The following RAB11B variants were observed in gnomAD, a reference collection of about 807,000 sequenced individuals.
The protein encoded by RAB11B is ras-related protein Rab-11B.
RAB11B carries 7 observed loss-of-function variants against 23.7 expected under a neutral mutation model. That is an observed-to-expected ratio of 0.29 (90% confidence interval 0.17 to 0.55). The LOEUF (loss-of-function observed/expected upper bound fraction) is 0.55, where lower values mean the gene tolerates loss of function less well. Ranked by LOEUF, RAB11B falls within the 20% of genes least tolerant of loss-of-function variation. The pLI is 0.93. For missense variants in RAB11B, 189 were observed against 320.0 expected, an observed-to-expected ratio of 0.59 and a Z score of 3.12; for synonymous variants, 138 against 132.0, an observed-to-expected ratio of 1.05 and a Z score of -0.31.
chr19:8,398,606 C>T (rs1166362717), intron 1 of RAB11B, among the ~76,000 whole-genome samples: 1 of 152,200 alleles, frequency 6.6e-6, no homozygotes, highest in Non-Finnish European at 1.5e-5. Flanking sequence ...GTTTCCCACT[C>T]AGCCATCTGT....
intron 1 of RAB11B, among the ~76,000 whole-genome samples, chr19:8,391,341 C>G (rs1474336054): frequency 1.3e-5 from 2 of 152,290 alleles, no homozygotes; most frequent in South Asian, 2.1e-4. Flanking sequence ...TGGCCAGCAT[C>G]TGGGACTTTG....
At chr19:8,393,612 AATGGGGGTCCCTCC>A (rs1347354894) in intron 1 of RAB11B, among the ~76,000 whole-genome samples, 6 of 152,098 alleles carry the variant, frequency 3.9e-5, no homozygotes, top group Admixed American at 6.5e-5. Context: ...CCCCATTTAG[AATGGGGGTCCCTCC>A]AGTGCCCTGG....
At chr19:8,390,933 G>A (rs1234603655) in intron 1 of RAB11B, among the ~76,000 whole-genome samples, 1 of 149,702 alleles carries the variant, frequency 6.7e-6, no homozygotes, top group Non-Finnish European at 1.5e-5. Context: ...TTGGGGCAGC[G>A]TGTTTGGGGG....
chr19:8,402,366 C>T (rs1013015992), intron 3 of RAB11B, 87 bp downstream of exon 3: 2 of 1,529,632 alleles, frequency 1.3e-6, no homozygotes, highest in Admixed American at 2.0e-5. Context: ...ACAGCCCTGG[C>T]TTCCCTTCCC....
At chr19:8,393,632 C>T (rs1411535738) in intron 1 of RAB11B, among the ~76,000 whole-genome samples, 2 of 152,208 alleles carry the variant, frequency 1.3e-5, no homozygotes, top group Non-Finnish European at 2.9e-5. Context: ...CCTCCAGTGC[C>T]CTGGCTCTGT....
chr19:8,391,854 C>T (rs116483979), intron 1 of RAB11B, among the ~76,000 whole-genome samples: 5,325 of 151,726 alleles, frequency 0.035, 145 homozygotes, highest in South Asian at 0.1. Flanking sequence ...GAAAGCCTTC[C>T]GGGGGGAGGG....
At chr19:8,401,247 A>G (rs1380234736) in intron 2 of RAB11B, among the ~76,000 whole-genome samples, 8 of 144,308 alleles carry the variant, frequency 5.5e-5, no homozygotes, top group Non-Finnish European at 1.2e-4. Flanking sequence ...CGCCTGGCTA[A>G]TTTTTTGTAT....
At chr19:8,392,416 T>G (rs1971362285) in intron 1 of RAB11B, among the ~76,000 whole-genome samples, 1 of 151,962 alleles carries the variant, frequency 6.6e-6, no homozygotes, top group East Asian at 1.9e-4. Flanking sequence ...GAAACACTGA[T>G]TTAGCTTCTG....
intron 1 of RAB11B, among the ~76,000 whole-genome samples, chr19:8,397,418 G>A (rs1971405268): frequency 6.6e-6 from 1 of 152,060 alleles, no homozygotes; most frequent in Non-Finnish European, 1.5e-5. Context: ...GTGACTGTGA[G>A]GAGAGGAGTC....
At chr19:8,397,840 G>C (rs1971408447) in intron 1 of RAB11B, among the ~76,000 whole-genome samples, 1 of 152,054 alleles carries the variant, frequency 6.6e-6, no homozygotes, top group East Asian at 1.9e-4. Flanking sequence ...AGGAGGAACA[G>C]CCATACCCAT....
Position 8,401,997 on chromosome 19 carries a change from C to T in RAB11B, c.237-89C>T, listed in dbSNP as rs1971441293. Reference sequence around the variant, plus strand: ...CCTTGGCTCGGCCCTGGACGACCCACCCTGGGCGTGATGTGTGCTGTTATC... The same window carrying T: ...CCTTGGCTCGGCCCTGGACGACCCATCCTGGGCGTGATGTGTGCTGTTATC... On this transcript the variant is annotated intron_variant, in intron 2 of 4. Transcript: ENST00000328024. The T allele has an allele frequency of 2.9e-6, 4 of 1,384,252 alleles. No individual in the cohort carries two copies. The East Asian group carries it at 1.0e-4, about 35-fold the overall frequency. 85.7% of individuals were successfully genotyped at this position (1,384,252 alleles called of 1,614,324 possible). A position where few individuals can be genotyped will look rare whatever the true frequency, so the allele number is the denominator to read the frequency against.
Position 8,396,256 on chromosome 19 carries a change from A to C in RAB11B, c.41-3607A>C, listed in dbSNP as rs992220045. ...CCTCACCTGTGGCCCAAGGGTGGTG[A>C]CCTGGCATCCTCTAGGTATGGGGCA... On this transcript the variant is annotated intron_variant, in intron 1 of 4. Coordinates refer to ENST00000328024, the MANE Select transcript of RAB11B (RefSeq NM_004218.4). This position sits in a 1 kb window ranked among gnomAD's most constrained non-coding sequence, Gnocchi z 5.0. Among the ~76,000 whole-genome samples, 1 of 152,140 alleles carries C rather than the reference A, an allele frequency of 6.6e-6. No homozygotes were observed. The highest frequency in any genetic ancestry group is 1.5e-5 in the Non-Finnish European group (1 of 68,026).
chr19:8,397,502 G>A (rs1031414676), intron 1 of RAB11B, among the ~76,000 whole-genome samples: 8 of 152,060 alleles, frequency 5.3e-5, no homozygotes, highest in African/African-American at 1.9e-4. Flanking sequence ...CCGGGGGAGT[G>A]GGGGTAGCTG....
At chr19:8,402,931 G>A in intron 4 of RAB11B, 1 of 439,756 alleles carries the variant, frequency 2.3e-6, no homozygotes, top group East Asian at 4.5e-5. Flanking sequence ...CCAAAGTGCT[G>A]GGATTACAGG....
chr19:8,401,730 C>A (rs1177974407), intron 2 of RAB11B, among the ~76,000 whole-genome samples: 1 of 151,736 alleles, frequency 6.6e-6, no homozygotes, highest in Non-Finnish European at 1.5e-5. Context: ...CCATGTTGCC[C>A]AGGCTGGTCT....
At chr19:8,401,025 G>A (rs529301469) in intron 2 of RAB11B, among the ~76,000 whole-genome samples, 1 of 152,268 alleles carries the variant, frequency 6.6e-6, no homozygotes, top group East Asian at 1.9e-4. Context: ...CTGAGTAGCT[G>A]GGGCTACAGG....
intron 1 of RAB11B, among the ~76,000 whole-genome samples, chr19:8,394,917 T>C (rs1387843031): frequency 1.3e-5 from 2 of 152,000 alleles, no homozygotes; most frequent in African/African-American, 4.8e-5. Flanking sequence ...GCGAGGGAGA[T>C]TCCATCTCAA....
intron 1 of RAB11B, among the ~76,000 whole-genome samples, chr19:8,398,675 C>A (rs1404331690): frequency 1.3e-5 from 2 of 152,128 alleles, no homozygotes; most frequent in Non-Finnish European, 2.9e-5. Flanking sequence ...GTGGGAGTAG[C>A]TCCTCATGTC....
chr19:8,392,866 T>G (rs890191350), intron 1 of RAB11B, among the ~76,000 whole-genome samples: 2 of 151,834 alleles, frequency 1.3e-5, no homozygotes, highest in Non-Finnish European at 2.9e-5. Context: ...TTTTGTATTT[T>G]AGTAGATACG....
Sources: allele counts gnomAD v4.1 joint callset (sites outside exome capture counted in the v4.1 genomes callset), GRCh38; gene constraint gnomAD v4.1.1; non-coding constraint Gnocchi (gnomAD v3.1); transcripts MANE v1.5; gene names NCBI Gene and HGNC (gene_info 2026-07-23, HGNC 2026-07-21).